TOM1L1: variants seen among roughly 807,000 people sequenced by gnomAD.
The protein encoded by TOM1L1 is TOM1-like protein 1.
A neutral mutation model predicts 63.4 loss-of-function variants in TOM1L1; 64 were observed. The ratio of observed to expected loss-of-function variants is 1.01; its 90% CI spans 0.83 to 1.24. TOM1L1 has a LOEUF of 1.24. TOM1L1 is among the 50% of genes most tolerant of loss of function. The pLI, the probability that TOM1L1 is intolerant of heterozygous loss-of-function variation, is 0.00. For missense variants in TOM1L1, 536 were observed against 567.0 expected, an observed-to-expected ratio of 0.95 and a Z score of 0.55; for synonymous variants, 166 against 194.4, an observed-to-expected ratio of 0.85 and a Z score of 1.22.
intron 7 of TOM1L1, among the ~76,000 whole-genome samples, chr17:54,919,735 A>G (rs2048650052): frequency 6.6e-6 from 1 of 152,034 alleles, no homozygotes. Flanking sequence ...TTCTTTGTAT[A>G]CTTTTTGTTA....
intron 5 of TOM1L1, among the ~76,000 whole-genome samples, chr17:54,914,382 AAAAAG>A (rs1427379538): frequency 5.9e-5 from 9 of 152,194 alleles, no homozygotes; most frequent in Non-Finnish European, 1.2e-4. Flanking sequence ...AAAAAAAAAA[AAAAAG>A]GGCATTTTAT....
chr17:54,929,219 G>T (rs940695151), intron 7 of TOM1L1, among the ~76,000 whole-genome samples: 2 of 151,988 alleles, frequency 1.3e-5, no homozygotes, highest in African/African-American at 4.8e-5. Context: ...AGGTGTGCCT[G>T]GAAAAAAAGT....
At chr17:54,949,771 C>A in intron 13 of TOM1L1, 148 bp downstream of exon 13, 1 of 715,042 alleles carries the variant, frequency 1.4e-6, no homozygotes, top group East Asian at 2.7e-5. Flanking sequence ...GGGCAGATAC[C>A]ATTATGACTG....
chr17:54,946,150 C>T (rs1372649721), intron 11 of TOM1L1, among the ~76,000 whole-genome samples: 1 of 152,172 alleles, frequency 6.6e-6, no homozygotes, highest in African/African-American at 2.4e-5. Flanking sequence ...TATGTTCCAT[C>T]CTGTGGTCAG....
At chr17:54,959,748 C>T (rs115330241) in intron 14 of TOM1L1, among the ~76,000 whole-genome samples, 2,313 of 151,682 alleles carry the variant, frequency 0.015, 58 homozygotes, top group African/African-American at 0.051. Context: ...TTCCTGAGTA[C>T]CTGGGACTAC....
At chr17:54,929,373 A>AG (rs1215123576) in intron 7 of TOM1L1, among the ~76,000 whole-genome samples, 1 of 148,494 alleles carries the variant, frequency 6.7e-6, no homozygotes, top group Non-Finnish European at 1.5e-5. Flanking sequence ...GATGCTTATG[A>AG]GAAAAAAAAA....
chr17:54,926,944 G>A lies in TOM1L1; in HGVS notation c.721-3129G>A, dbSNP rs140898096. 9.2e-5 allele frequency among the ~76,000 whole-genome samples: 14 copies of A among 152,314 alleles called. No homozygotes were observed. The East Asian group carries it at 2.7e-3, about 29-fold the overall frequency. ...TTCTAGTATACCTGGCTAACCTATT[G>A]TGTTTTCATGTGGGTACGTGAGGCA... On this transcript the variant is annotated intron_variant, in intron 7 of 15. Coordinates refer to ENST00000575882, the MANE Select transcript of TOM1L1 (RefSeq NM_005486.3).
At chr17:54,909,890 C>T (rs1199287504) in intron 3 of TOM1L1, among the ~76,000 whole-genome samples, 1 of 152,144 alleles carries the variant, frequency 6.6e-6, no homozygotes, top group African/African-American at 2.4e-5. Flanking sequence ...TATGTGAAAA[C>T]ATATTTAATT....
In TOM1L1 at chr17:54,910,421, A is replaced by T. The variant is rs559127138; in HGVS notation, c.223-2245A>T. Among the ~76,000 whole-genome samples, 3 of 152,290 alleles carry T rather than the reference A, an allele frequency of 2.0e-5. No homozygotes were observed. In the East Asian group the frequency reaches 5.8e-4, roughly 29 times the overall value. On this transcript the variant is annotated intron_variant, in intron 3 of 15. Coordinates refer to ENST00000575882, the MANE Select transcript of TOM1L1 (RefSeq NM_005486.3). ...CAGTGAGTCGAGATTGCGCCACTGC[A>T]CTCCAGCCTAGGTGACAGAGTGAGA...
chr17:54,938,856 T>C (rs1598042986), intron 10 of TOM1L1, 68 bp from the exon 11 acceptor site: 1 of 796,376 alleles, frequency 1.3e-6, no homozygotes, highest in African/African-American at 1.8e-5. Flanking sequence ...TTGTTTTTAC[T>C]GTAGAAAATC....
At chr17:54,917,667 G>A (rs953488790) in intron 7 of TOM1L1, among the ~76,000 whole-genome samples, 1 of 152,006 alleles carries the variant, frequency 6.6e-6, no homozygotes, top group South Asian at 2.1e-4. Context: ...GCATTCTCCA[G>A]TGTTCAGCTG....
intron 7 of TOM1L1, among the ~76,000 whole-genome samples, chr17:54,926,147 AG>A (rs1000978705): frequency 2.3e-4 from 35 of 152,324 alleles, no homozygotes; most frequent in African/African-American, 7.9e-4. Flanking sequence ...TTAGACTCTT[AG>A]GCAGTAAAAC....
intron 7 of TOM1L1, 92 bp from the exon 8 acceptor site, chr17:54,929,981 G>T: frequency 6.6e-7 from 1 of 1,520,610 alleles, no homozygotes; most frequent in Non-Finnish European, 9.0e-7. Flanking sequence ...TTAACGTGGA[G>T]GTGACTGTAG....
intron 9 of TOM1L1, 133 bp from the exon 10 acceptor site, chr17:54,936,976 G>A: frequency 1.3e-6 from 1 of 783,614 alleles, no homozygotes; most frequent in South Asian, 1.7e-5. Context: ...TCATACTAAT[G>A]TTGCTCGTTG....
chr17:54,956,361 TG>T (rs1211172720), intron 14 of TOM1L1, among the ~76,000 whole-genome samples: 3 of 151,956 alleles, frequency 2.0e-5, no homozygotes, highest in African/African-American at 7.3e-5. Context: ...TGGAGTATAG[TG>T]GGGGTGATCT....
intron 3 of TOM1L1, among the ~76,000 whole-genome samples, chr17:54,907,193 T>C (rs1221169478): frequency 6.7e-6 from 1 of 150,322 alleles, no homozygotes; most frequent in African/African-American, 2.5e-5. Flanking sequence ...TCCTTAACTC[T>C]TGAAGGTCAC....
At chr17:54,926,345 T>C (rs1453522923) in intron 7 of TOM1L1, among the ~76,000 whole-genome samples, 1 of 152,112 alleles carries the variant, frequency 6.6e-6, no homozygotes, top group Admixed American at 6.5e-5. Flanking sequence ...GAATGAAGAG[T>C]TGCAACATGT....
Position 54,950,046 on chromosome 17 carries a change from G to A in TOM1L1, c.1290G>A (p.Ala430=), listed in dbSNP as rs1362114895. ...SLPPLPSNHP[A]MTKSDLQPPN... is the part of the protein sequence containing the mutation. ...ACTGGTCTCTTTTTTTGCCCAAAGCGATGACAAAAAGTGATCTCCAGCCAC... is the reference window on the plus strand; with the variant it reads ...ACTGGTCTCTTTTTTTGCCCAAAGCAATGACAAAAAGTGATCTCCAGCCAC... Residue 430 remains alanine, a splice_region_variant and synonymous_variant, in exon 14 of 16, where the codon GCG becomes GCA. Coordinates refer to ENST00000575882, the MANE Select transcript of TOM1L1 (RefSeq NM_005486.3). The A allele has an allele frequency of 7.4e-6, 12 of 1,611,978 alleles. No individual in the cohort carries two copies. In the East Asian group the frequency reaches 1.8e-4, roughly 24 times the overall value.
chr17:54,910,871 G>T (rs17745123), intron 3 of TOM1L1, among the ~76,000 whole-genome samples: 37,154 of 151,952 alleles, frequency 0.24, 4,704 homozygotes, highest in Non-Finnish European at 0.28. Context: ...ATATGCTGCC[G>T]CTTTATGTAT....
Sources: allele counts gnomAD v4.1 joint callset (sites outside exome capture counted in the v4.1 genomes callset), GRCh38; gene constraint gnomAD v4.1.1; transcripts MANE v1.5; gene names NCBI Gene and HGNC (gene_info 2026-07-23, HGNC 2026-07-21).